WNK1: variants seen among roughly 807,000 people sequenced by gnomAD.
WNK1 encodes the protein serine/threonine-protein kinase WNK1.
In WNK1, 38 loss-of-function variants were observed where a neutral mutation model predicts 222.8. The observed-to-expected ratio is 0.17, with a 90% confidence interval of 0.13 to 0.22. WNK1 has a LOEUF of 0.22. Among genes scored for constraint, WNK1 ranks in the 10% least tolerant of loss-of-function variants. The probability of loss-of-function intolerance (pLI) is 1.00; values close to 1 mark genes in which losing one functional copy is unlikely to be tolerated. For synonymous variants in WNK1, 1,090 were observed against 1,092.9 expected, an observed-to-expected ratio of 1.00 and a Z score of 0.05; for missense variants, 2,348 against 2,918.4, an observed-to-expected ratio of 0.80 and a Z score of 4.50.
intron 1 of WNK1, among the ~76,000 whole-genome samples, chr12:773,681 G>C (rs190573135): frequency 3.3e-5 from 5 of 152,248 alleles, no homozygotes; most frequent in Admixed American, 6.5e-5. Flanking sequence ...GCTTGAGGCT[G>C]TCTCAGGTAG....
chr12:801,935 G>A (rs989445742), intron 1 of WNK1, among the ~76,000 whole-genome samples: 1 of 152,050 alleles, frequency 6.6e-6, no homozygotes, highest in Admixed American at 6.5e-5. Flanking sequence ...ATCCTTGTCT[G>A]TCCCCATTGT....
intron 20 of WNK1, 35 bp downstream of exon 20, chr12:887,339 C>G: frequency 6.2e-7 from 1 of 1,607,172 alleles, no homozygotes; most frequent in Admixed American, 1.7e-5. Context: ...TTCCTGTGCC[C>G]TACTTTCTTT....
Position 908,974 on chromosome 12 carries a change from A to C in WNK1, c.*182A>C, listed in dbSNP as rs1290450142. 2 of 702,682 alleles carry C rather than the reference A, an allele frequency of 2.8e-6. No homozygotes were observed. The highest frequency in any genetic ancestry group is 4.7e-6 in the Non-Finnish European group (2 of 424,732). 43.5% of individuals were successfully genotyped at this position (702,682 alleles called of 1,614,324 possible). On this transcript the variant is annotated 3_prime_UTR_variant, in exon 28 of 28. Transcript: ENST00000315939. ...CAGAATGGAGAGTCTCCCCCGCTCC[A>C]GTTATTGGAATGGGAGAGGAAGGAA...
At chr12:856,837 C>T (rs1374002720) in intron 4 of WNK1, among the ~76,000 whole-genome samples, 1 of 152,230 alleles carries the variant, frequency 6.6e-6, no homozygotes, top group African/African-American at 2.4e-5. Flanking sequence ...AAAAGATCTT[C>T]TAACCAATTA....
intron 22 of WNK1, among the ~76,000 whole-genome samples, chr12:893,495 G>A (rs893872899): frequency 2.0e-5 from 3 of 152,122 alleles, no homozygotes; most frequent in Admixed American, 6.5e-5. Context: ...TCAAAGCATT[G>A]TTCCCCGGAA....
chr12:907,660 T>C, intron 26 of WNK1, 187 bp from the exon 27 acceptor site: 1 of 725,002 alleles, frequency 1.4e-6, no homozygotes, highest in Middle Eastern at 3.9e-4. Flanking sequence ...GAGAAACTGT[T>C]TTCATCACCC....
chr12:783,500 AC>A (rs1943941712), intron 1 of WNK1, among the ~76,000 whole-genome samples: 1 of 142,048 alleles, frequency 7.0e-6, no homozygotes, highest in Admixed American at 7.0e-5. Context: ...CAAAAAAAAA[AC>A]AAAACAAAAA....
In WNK1 at chr12:847,217, C is replaced by T. The variant is rs181440716; in HGVS notation, c.1312-9944C>T. Among the ~76,000 whole-genome samples, 38 of 152,130 alleles carry T rather than the reference C, an allele frequency of 2.5e-4. 1 individual carries two copies. The East Asian group carries it at 4.4e-3, about 18-fold the overall frequency. ...GAATATTGATCTGTAATTCACAAGG[C>T]GGTAGACTACAGAATAAAAACAAAG... On this transcript the variant is annotated intron_variant, in intron 4 of 27. Transcript: ENST00000315939.
chr12:795,244 A>T (rs1394481877), intron 1 of WNK1, among the ~76,000 whole-genome samples: 1 of 151,400 alleles, frequency 6.6e-6, no homozygotes, highest in East Asian at 1.9e-4. Flanking sequence ...AAGTTTGTTA[A>T]ATTACTAATT....
intron 15 of WNK1, 46 bp downstream of exon 15, chr12:883,105 T>C (rs771027976): frequency 7.6e-7 from 1 of 1,311,494 alleles, no homozygotes; most frequent in South Asian, 1.2e-5. Flanking sequence ...GTACTTGATC[T>C]TAATAGCCAT....
Position 827,007 on chromosome 12 carries a change from T to G in WNK1, c.933-35T>G, listed in dbSNP as rs1051586598. The G allele has an allele frequency of 3.2e-6, 5 of 1,558,128 alleles. No individual in the cohort carries two copies. The highest frequency in any genetic ancestry group is 4.4e-6 in the Non-Finnish European group (5 of 1,131,290). ...TCTTCAAAGCAACAAACTCCTATCA[T>G]TGATAACTTGTTTGGTATACTTTGC... On this transcript the variant is annotated intron_variant, in intron 2 of 27. Transcript: ENST00000315939. This position sits in a 1 kb window ranked among gnomAD's most constrained non-coding sequence, Gnocchi z 4.6.
intron 1 of WNK1, among the ~76,000 whole-genome samples, chr12:798,115 C>T (rs1244076463): frequency 6.6e-6 from 1 of 151,922 alleles, no homozygotes; most frequent in Non-Finnish European, 1.5e-5. Flanking sequence ...GATAGAGCTC[C>T]TTTTTATACT....
intron 8 of WNK1, chr12:867,856 G>C (rs1188517921): frequency 6.2e-7 from 1 of 1,613,404 alleles, no homozygotes; most frequent in Middle Eastern, 1.6e-4. Flanking sequence ...TCTTATTCAT[G>C]TTGATACAGC....
At position 861,130 on chromosome 12, in the gene WNK1, G is replaced by GA. The variant is rs746484082; in HGVS notation, c.1748dup (p.Gln584AlafsTer27). The GA allele has an allele frequency of 1.7e-4, 252 of 1,468,888 alleles. No homozygotes were observed. Among genetic ancestry groups the GA allele is most frequent in the Non-Finnish European group, 1.8e-4 (198 of 1,070,800 alleles). The allele number at this position is 1,468,888 out of a possible 1,614,324, so 91.0% of individuals were successfully genotyped here. A position where few individuals can be genotyped will look rare whatever the true frequency, so the allele number is the denominator to read the frequency against. On this transcript the variant is annotated frameshift_variant, in exon 7 of 28. Transcript: ENST00000315939. LOFTEE classifies it high-confidence loss of function. ...GCGGCAGTTGGTACGGGAGGAGCAA[G>GA]AAAAAAAAAAGCAGGAAGAGAGCAG...
At chr12:865,996 T>C (rs1267992491) in intron 8 of WNK1, among the ~76,000 whole-genome samples, 4 of 152,192 alleles carry the variant, frequency 2.6e-5, no homozygotes, top group African/African-American at 9.6e-5. Context: ...ATATAGTATG[T>C]ATGACTTTCT....
chr12:754,058 C>A lies in WNK1; in HGVS notation c.493C>A (p.Pro165Thr), dbSNP rs770997482. ...TVPSSTSKDR[P>T]VSQPSLVGSK... ...CCCCAGCAGTACCAGCAAAGACCGC[C>A]CAGTGTCCCAGCCTAGCCTTGTGGG... Residue 165 changes from proline to threonine, a missense_variant, in exon 1 of 28, where the codon CCA (proline) becomes ACA (threonine). This residue lies in a region of WNK1 where 185 missense variants were observed against 159.2 expected (regional missense o/e 1.16). Transcript: ENST00000315939. 1.9e-6 allele frequency: 3 copies of A among 1,602,172 alleles called. No individual in the cohort carries two copies. The highest frequency in any genetic ancestry group is 2.6e-6 in the Non-Finnish European group (3 of 1,174,868).
At chr12:887,076 A>G (rs1045030913) in intron 19 of WNK1, 145 bp from the exon 20 acceptor site, 1 of 778,906 alleles carries the variant, frequency 1.3e-6, no homozygotes, top group Non-Finnish European at 2.2e-6. Flanking sequence ...GACAGATACC[A>G]GAGAGTAACC....
intron 1 of WNK1, among the ~76,000 whole-genome samples, chr12:798,644 G>A (rs1945571451): frequency 6.7e-6 from 1 of 149,934 alleles, no homozygotes; most frequent in African/African-American, 2.5e-5. Context: ...CTTTAATTGT[G>A]TTCCTCTTTT....
At chr12:776,988 T>C (rs546818019) in intron 1 of WNK1, among the ~76,000 whole-genome samples, 3 of 152,198 alleles carry the variant, frequency 2.0e-5, no homozygotes, top group African/African-American at 2.4e-5. Flanking sequence ...AAAAAGACTG[T>C]ACTAAATGAC....
Sources: gnomAD v4.1 joint callset for allele counts (sites outside exome capture counted in the v4.1 genomes callset) on GRCh38, gnomAD v4.1.1 for gene constraint, gnomAD v4.1.1 regional missense constraint, Gnocchi (gnomAD v3.1) non-coding constraint, MANE v1.5 for transcripts, NCBI Gene and HGNC (gene_info 2026-07-23, HGNC 2026-07-21) for gene names.